Variants in FOXN3 observed in about 807,000 individuals in gnomAD.
The protein encoded by FOXN3 is forkhead box N3.
Under a neutral mutation model 38.4 loss-of-function variants are expected in FOXN3, and 7 were observed. The ratio of observed to expected loss-of-function variants is 0.18; its 90% CI spans 0.10 to 0.34. The LOEUF is 0.34. Among genes scored for constraint, FOXN3 ranks in the 10% least tolerant of loss-of-function variants. The pLI is 1.00. For missense variants in FOXN3, 456 were observed against 613.4 expected (o/e 0.74, Z 2.71); for synonymous variants, 230 against 242.2 (o/e 0.95, Z 0.47).
intron 3 of FOXN3, among the ~76,000 whole-genome samples, chr14:89,298,722 A>G (rs1357089915): frequency 6.6e-6 from 1 of 152,118 alleles, no homozygotes; most frequent in African/African-American, 2.4e-5. Flanking sequence ...TTACATTGCT[A>G]TGAGGACGCT....
chr14:89,325,573 A>C (rs1412304472), intron 3 of FOXN3, among the ~76,000 whole-genome samples: 1 of 152,222 alleles, frequency 6.6e-6, no homozygotes, highest in Non-Finnish European at 1.5e-5. Flanking sequence ...CATCACAGGA[A>C]GGGAAAGGAG....
At chr14:89,402,509 T>C (rs780009455) in intron 2 of FOXN3, among the ~76,000 whole-genome samples, 1 of 152,238 alleles carries the variant, frequency 6.6e-6, no homozygotes, top group Non-Finnish European at 1.5e-5. Flanking sequence ...TAACTTGGGG[T>C]TCCAATGGAT....
intron 1 of FOXN3, among the ~76,000 whole-genome samples, chr14:89,490,361 T>C (rs1173937559): frequency 6.6e-6 from 1 of 152,164 alleles, no homozygotes; most frequent in Non-Finnish European, 1.5e-5. Flanking sequence ...TGTTTACATA[T>C]AGAAAGCATG....
intron 3 of FOXN3, among the ~76,000 whole-genome samples, chr14:89,312,278 C>A: frequency 6.3e-5 from 1 of 15,826 alleles, no homozygotes; most frequent in Admixed American, 4.5e-4. Context: ...GAGCAAGACT[C>A]GGTCTCAAAA....
chr14:89,463,150 G>A (rs187060508), intron 1 of FOXN3, among the ~76,000 whole-genome samples: 17 of 151,720 alleles, frequency 1.1e-4, no homozygotes, highest in African/African-American at 3.4e-4. Flanking sequence ...TTAGCCGGGC[G>A]TGGTGGCAGG....
chr14:89,423,013 T>G (rs1052010410), intron 1 of FOXN3, among the ~76,000 whole-genome samples: 1 of 152,164 alleles, frequency 6.6e-6, no homozygotes, highest in Non-Finnish European at 1.5e-5. Context: ...GAATCCAGAT[T>G]TACTCAATTA....
At chr14:89,406,407 C>A (rs929414179) in intron 2 of FOXN3, among the ~76,000 whole-genome samples, 3 of 141,760 alleles carry the variant, frequency 2.1e-5, no homozygotes, top group Non-Finnish European at 4.8e-5. Context: ...GTGACAGAGA[C>A]CCTGTCTCAA....
intron 1 of FOXN3, among the ~76,000 whole-genome samples, chr14:89,463,214 G>A (rs1422112013): frequency 6.6e-6 from 1 of 151,646 alleles, no homozygotes; most frequent in African/African-American, 2.4e-5. Context: ...GCATGAACCC[G>A]GGAGGCAGAG....
chr14:89,323,294 A>G (rs1393770222), intron 3 of FOXN3, among the ~76,000 whole-genome samples: 3 of 148,120 alleles, frequency 2.0e-5, no homozygotes, highest in Non-Finnish European at 4.5e-5. Flanking sequence ...TCTCAAAAAA[A>G]AAAAAAAAAA....
rs1186786940 is a variant in FOXN3, at chr14:89,363,973, TATATATATATATATA to T, written c.544-13180_544-13166del. On this transcript the variant is annotated intron_variant, in intron 2 of 5. Coordinates refer to ENST00000557258, the MANE Select transcript of FOXN3 (RefSeq NM_005197.4). ...ATATATATATATATATATATATATA[TATATATATATATATA>T]ATATATATATATATTCTTCCATATC... 5.3e-3 allele frequency among the ~76,000 whole-genome samples: 393 copies of T among 73,782 alleles called. 2 individuals carry two copies. The highest frequency in any genetic ancestry group is 7.7e-3 in the Admixed American group (57 of 7,404). 48.4% of individuals were successfully genotyped at this position (73,782 alleles called of 152,430 possible).
At chr14:89,335,135 T>C (rs1446020316) in intron 3 of FOXN3, among the ~76,000 whole-genome samples, 1 of 151,222 alleles carries the variant, frequency 6.6e-6, no homozygotes, top group African/African-American at 2.4e-5. Context: ...ATGGTAACTA[T>C]ATGAGGTAAT....
chr14:89,428,805 C>T (rs1408608883), intron 1 of FOXN3, among the ~76,000 whole-genome samples: 1 of 152,230 alleles, frequency 6.6e-6, no homozygotes, highest in African/African-American at 2.4e-5. Flanking sequence ...CCACGCCCCA[C>T]GAGTGCCTGC....
At chr14:89,504,392 A>G (rs1296208411) in intron 1 of FOXN3, among the ~76,000 whole-genome samples, 2 of 152,234 alleles carry the variant, frequency 1.3e-5, no homozygotes, top group Non-Finnish European at 2.9e-5. Flanking sequence ...AAGGCTTGTG[A>G]GAGAAGTGAG....
At chr14:89,214,035 T>G (rs2139834776) in intron 4 of FOXN3, among the ~76,000 whole-genome samples, 1 of 152,296 alleles carries the variant, frequency 6.6e-6, no homozygotes, top group South Asian at 2.1e-4. Context: ...CAAAAAAAAG[T>G]GGCAAAATGT....
intron 1 of FOXN3, among the ~76,000 whole-genome samples, chr14:89,431,693 A>T (rs4904573): frequency 0.63 from 94,938 of 151,834 alleles, 31,020 homozygotes; most frequent in Non-Finnish European, 0.71. Context: ...CTCATTATCC[A>T]CTGCCCCAAC....
rs186762240 is a variant in FOXN3 at position 89,432,006 on chromosome 14, C to T, written c.-14-19516G>A. 3.3e-4 allele frequency among the ~76,000 whole-genome samples: 50 copies of T among 152,344 alleles called. 1 individual carries two copies. The highest frequency in any genetic ancestry group is 9.4e-4 in the African/African-American group (39 of 41,580). On this transcript the variant is annotated intron_variant, in intron 1 of 6. Coordinates refer to the FOXN3 transcript ENST00000345097. ...CTGGGATTACAGGCGTGAGCCACCACGCCCGGCTGTGTTGTTGCTTTTTTA... is the reference window on the plus strand; with the variant it reads ...CTGGGATTACAGGCGTGAGCCACCATGCCCGGCTGTGTTGTTGCTTTTTTA...
chr14:89,499,330 C>T (rs930598204), intron 1 of FOXN3, among the ~76,000 whole-genome samples: 19 of 152,262 alleles, frequency 1.2e-4, no homozygotes, highest in African/African-American at 4.6e-4. Context: ...GAAACTGTCC[C>T]TGAGCACTGA....
At chr14:89,237,207 C>A (rs1024697377) in intron 4 of FOXN3, among the ~76,000 whole-genome samples, 1 of 152,168 alleles carries the variant, frequency 6.6e-6, no homozygotes, top group African/African-American at 2.4e-5. Flanking sequence ...AGAAGATTTG[C>A]AGATGGCAAA....
At position 89,220,022 on chromosome 14, in the gene FOXN3, T is replaced by C. The variant is rs185653694; in HGVS notation, c.746-39216A>G. 1.6e-3 allele frequency among the ~76,000 whole-genome samples: 251 copies of C among 152,362 alleles called. 1 individual carries two copies. Among genetic ancestry groups the C allele is most frequent in the African/African-American group, 5.8e-3 (241 of 41,586 alleles). Reference sequence around the variant, plus strand: ...AATGATGTATATAATTCCATACTGATATCAACTGATGAGCTGAACTTTATG... The same window carrying C: ...AATGATGTATATAATTCCATACTGACATCAACTGATGAGCTGAACTTTATG... On this transcript the variant is annotated intron_variant, in intron 4 of 5. Coordinates refer to ENST00000557258, the MANE Select transcript of FOXN3 (RefSeq NM_005197.4).
Sources: allele counts gnomAD v4.1 joint callset (sites outside exome capture counted in the v4.1 genomes callset), GRCh38; gene constraint gnomAD v4.1.1; transcripts MANE v1.5; gene names NCBI Gene and HGNC (gene_info 2026-07-23, HGNC 2026-07-21).